Variants in CCNF observed in about 807,000 individuals in gnomAD.
CCNF encodes cyclin-F.
Under a neutral mutation model 85.4 loss-of-function variants are expected in CCNF, and 30 were observed. The ratio of observed to expected loss-of-function variants is 0.35; its 90% CI spans 0.26 to 0.48. CCNF has a LOEUF of 0.48. Ranked by LOEUF, CCNF falls within the 20% of genes least tolerant of loss-of-function variation. The probability of loss-of-function intolerance (pLI) is 0.99; values close to 1 mark genes in which losing one functional copy is unlikely to be tolerated. For missense variants in CCNF, 919 were observed against 1,010.4 expected, an observed-to-expected ratio of 0.91 and a Z score of 1.23; for synonymous variants, 439 against 425.1, an observed-to-expected ratio of 1.03 and a Z score of -0.40.
chr16:2,449,737 T>A lies in CCNF; in HGVS notation c.1400-91T>A, dbSNP rs1016226567. ...AGCCCACAGAGCTATAGAGCGGGAG[T>A]GTTCAGGCGGCTGTCACCACAGCCC... On this transcript the variant is annotated intron_variant, in intron 12 of 16. Transcript: ENST00000397066. 5.7e-5 allele frequency: 49 copies of A among 867,232 alleles called. No homozygotes were observed. The African/African-American group carries it at 7.5e-4, about 13-fold the overall frequency. 53.7% of individuals were successfully genotyped at this position (867,232 alleles called of 1,614,324 possible).
intron 7 of CCNF, 50 bp downstream of exon 7, chr16:2,439,507 T>A: frequency 2.3e-6 from 3 of 1,320,958 alleles, no homozygotes; most frequent in Non-Finnish European, 3.2e-6. Context: ...GACAAAGGCG[T>A]AGTTGATGCT....
At position 2,435,066 on chromosome 16, in the gene CCNF, A is replaced by G. The variant is rs966939603; in HGVS notation, c.279-740A>G. ...TCAGATCGAGACCATCCTGGCTAAC[A>G]TGGTGAAACCCCGTCTCTACTAAAA... On this transcript the variant is annotated intron_variant, in intron 3 of 16. Coordinates refer to ENST00000397066, the MANE Select transcript of CCNF (RefSeq NM_001761.3). 2.6e-5 allele frequency among the ~76,000 whole-genome samples: 4 copies of G among 151,872 alleles called. No individual in the cohort carries two copies. The South Asian group carries it at 8.3e-4, about 32-fold the overall frequency.
chr16:2,445,889 G>A lies in CCNF; in HGVS notation c.1094+267G>A, dbSNP rs973606248. Among the ~76,000 whole-genome samples, 4 of 152,116 alleles carry A rather than the reference G, an allele frequency of 2.6e-5. 1 individual carries two copies. The highest frequency in any genetic ancestry group is 2.6e-4 in the Admixed American group (4 of 15,276). On this transcript the variant is annotated intron_variant, in intron 10 of 16. Transcript: ENST00000397066. Reference sequence around the variant, plus strand: ...ACTGCAGGCGTGCGCCACCATGCCCGACTAATTTTTTTGTATTTTTAGTAG... The same window carrying A: ...ACTGCAGGCGTGCGCCACCATGCCCAACTAATTTTTTTGTATTTTTAGTAG...
At chr16:2,435,613 G>GCACA (rs1262021362) in intron 3 of CCNF, among the ~76,000 whole-genome samples, 193 bp from the exon 4 acceptor site, 2 of 97,746 alleles carry the variant, frequency 2.0e-5, no homozygotes, top group Non-Finnish European at 4.2e-5. Flanking sequence ...ATATATATAT[G>GCACA]CACACACACA....
Position 2,431,900 on chromosome 16 carries a change from G to A in CCNF, c.171+616G>A, listed in dbSNP as rs189291369. Among the ~76,000 whole-genome samples, 158 of 149,674 alleles carry A rather than the reference G, an allele frequency of 1.1e-3. 5 individuals carry two copies. The East Asian group carries it at 0.027, about 25-fold the overall frequency. On this transcript the variant is annotated intron_variant, in intron 2 of 16. Transcript: ENST00000397066. ...GGCTGGAGTGCAGTAGCGCAATCTC[G>A]GCTCACTGCAAGTTCCGCCTCCCAG...
chr16:2,437,147 C>T lies in CCNF; in HGVS notation c.365C>T (p.Ala122Val), dbSNP rs768438236. 1.2e-6 allele frequency: 2 copies of T among 1,600,198 alleles called. No homozygotes were observed. Among genetic ancestry groups the T allele is most frequent in the Admixed American group, 3.4e-5 (2 of 59,530 alleles). Residue 122 changes from alanine to valine, a missense_variant, in exon 5 of 17, where the codon GCC (alanine) becomes GTC (valine). Physicochemically the swap from Ala to Val is moderately conservative, Grantham distance 64 (BLOSUM62 0). Coordinates refer to ENST00000397066, the MANE Select transcript of CCNF (RefSeq NM_001761.3). ...YNEGLSVSDE[A>V]RAEVNGLKAS... ...CCCGCAGTGTCTGTGTCTGATGAGG[C>T]CCGCGCAGAAGTGAATGGCCTGAAG...
In CCNF at chr16:2,439,843, G is replaced by A. The variant is rs2065311849; in HGVS notation, c.777+17G>A. 6.2e-7 allele frequency: 1 copy of A among 1,609,416 alleles called. No individual in the cohort carries two copies. Among genetic ancestry groups the A allele is most frequent in the Non-Finnish European group, 8.5e-7 (1 of 1,176,020 alleles). Reference sequence around the variant, plus strand: ...GAAGCGCAGGTGAGGTGCGGGGCTGGGATGACGTGGGGAGCTGGCCTTTCT... The same window carrying A: ...GAAGCGCAGGTGAGGTGCGGGGCTGAGATGACGTGGGGAGCTGGCCTTTCT... On this transcript the variant is annotated intron_variant, in intron 8 of 16. Transcript: ENST00000397066.
At chr16:2,438,469 G>A (rs186754506) in intron 6 of CCNF, among the ~76,000 whole-genome samples, 9 of 152,218 alleles carry the variant, frequency 5.9e-5, no homozygotes, top group East Asian at 3.9e-4. Context: ...GTGAAACCAC[G>A]TCTTTACTAA....
chr16:2,434,953 CAT>C (rs775797896), intron 3 of CCNF, among the ~76,000 whole-genome samples: 4 of 152,100 alleles, frequency 2.6e-5, no homozygotes, highest in Non-Finnish European at 5.9e-5. Flanking sequence ...TATTTGATTA[CAT>C]GTTATTAAGA....
chr16:2,438,189 C>A, intron 6 of CCNF, 66 bp downstream of exon 6: 1 of 1,230,276 alleles, frequency 8.1e-7, no homozygotes, highest in Non-Finnish European at 1.2e-6. Flanking sequence ...GATCCTGGAA[C>A]TGAAAAGCAG....
In CCNF at chr16:2,451,556, G is replaced by A. The variant is rs992853553; in HGVS notation, c.1487+1641G>A. On this transcript the variant is annotated intron_variant, in intron 13 of 16. Coordinates refer to ENST00000397066, the MANE Select transcript of CCNF (RefSeq NM_001761.3). The surrounding 1 kb of genome is among the most constrained non-coding windows in gnomAD (Gnocchi z 4.3). The stretch of plus-strand genomic sequence containing the variant: ...CTCAGCCAAATCCAGCAGACTCAGC[G>A]GTGTGGGCTTTTTTTTCCTTTTTTG... 1.3e-5 allele frequency among the ~76,000 whole-genome samples: 2 copies of A among 152,154 alleles called. No homozygotes were observed. Among genetic ancestry groups the A allele is most frequent in the African/African-American group, 2.4e-5 (1 of 41,432 alleles).
At chr16:2,447,095 C>T (rs2065366120) in intron 10 of CCNF, among the ~76,000 whole-genome samples, 1 of 152,144 alleles carries the variant, frequency 6.6e-6, no homozygotes, top group African/African-American at 2.4e-5. Flanking sequence ...GATCTGACTG[C>T]ACATCCATCA....
At chr16:2,437,459 GAT>G in intron 5 of CCNF, 137 bp downstream of exon 5, 1 of 636,468 alleles carries the variant, frequency 1.6e-6, no homozygotes, top group East Asian at 2.9e-5. Flanking sequence ...TGAGAGTGCA[GAT>G]ATGGGGAACG....
rs1239077244 is a variant in CCNF at position 2,431,297 on chromosome 16, A to C, written c.171+13A>C. 1.9e-6 allele frequency: 3 copies of C among 1,613,316 alleles called. No homozygotes were observed. The Admixed American group carries it at 5.0e-5, about 27-fold the overall frequency. On this transcript the variant is annotated intron_variant, in intron 2 of 16. Coordinates refer to ENST00000397066, the MANE Select transcript of CCNF (RefSeq NM_001761.3). Reference sequence around the variant, plus strand: ...GGCCGTCCGAGCTGTAAGTCCCTGCATGAAAACACTATGAGCCCTAGCATT... The same window carrying C: ...GGCCGTCCGAGCTGTAAGTCCCTGCCTGAAAACACTATGAGCCCTAGCATT...
chr16:2,437,941 G>A, intron 5 of CCNF, 129 bp from the exon 6 acceptor site: 1 of 658,250 alleles, frequency 1.5e-6, no homozygotes, highest in Admixed American at 2.4e-5. Flanking sequence ...TCTGGGAGTG[G>A]CCCTCTGCAG....
intron 8 of CCNF, among the ~76,000 whole-genome samples, chr16:2,440,378 G>A (rs1347174282): frequency 6.6e-6 from 1 of 152,142 alleles, no homozygotes; most frequent in Admixed American, 6.6e-5. Context: ...CAGCACTCTG[G>A]GAGGCCAAGG....
chr16:2,454,090 T>C (rs1294953617), intron 15 of CCNF, among the ~76,000 whole-genome samples: 1 of 152,186 alleles, frequency 6.6e-6, no homozygotes, highest in East Asian at 1.9e-4. Flanking sequence ...CTGCTGGCCC[T>C]GCGCCGTGAC....
chr16:2,446,233 G>A (rs1369397501), intron 10 of CCNF, among the ~76,000 whole-genome samples: 5 of 148,800 alleles, frequency 3.4e-5, no homozygotes, highest in Admixed American at 2.6e-4. Context: ...GGCACAGGCT[G>A]GACTGCCCTG....
At chr16:2,445,390 G>A (rs1036810739) in intron 9 of CCNF, 68 bp from the exon 10 acceptor site, 6 of 1,562,072 alleles carry the variant, frequency 3.8e-6, no homozygotes, top group Non-Finnish European at 4.4e-6. Flanking sequence ...AACAGGTGGG[G>A]TTGAAATCGC....
Sources: allele counts gnomAD v4.1 joint callset (sites outside exome capture counted in the v4.1 genomes callset), GRCh38; gene constraint gnomAD v4.1.1; non-coding constraint Gnocchi (gnomAD v3.1); transcripts MANE v1.5; gene names NCBI Gene and HGNC (gene_info 2026-07-23, HGNC 2026-07-21).